PCDHA13: variants seen among roughly 807,000 people sequenced by gnomAD.
PCDHA13 encodes the protein protocadherin alpha 13.
PCDHA13 carries 54 observed loss-of-function variants against 64.8 expected under a neutral mutation model. That is an observed-to-expected ratio of 0.83 (90% CI 0.67 to 1.04). PCDHA13 has a LOEUF of 1.04. PCDHA13 is among the 50% of genes least tolerant of loss of function. The pLI is 0.00. For missense variants in PCDHA13, 1,248 were observed against 1,254.3 expected, an observed-to-expected ratio of 0.99 and a Z score of 0.08; for synonymous variants, 587 against 564.4, an observed-to-expected ratio of 1.04 and a Z score of -0.57.
At chr5:140,971,918 G>A (rs1297848346) in intron 1 of PCDHA13, among the ~76,000 whole-genome samples, 1 of 152,082 alleles carries the variant, frequency 6.6e-6, no homozygotes, top group Non-Finnish European at 1.5e-5. Context: ...CAGCCACACT[G>A]CTAGTGTTAT....
At chr5:141,009,345 G>C (rs1409011729) in intron 3 of PCDHA13, among the ~76,000 whole-genome samples, 1 of 152,164 alleles carries the variant, frequency 6.6e-6, no homozygotes, top group African/African-American at 2.4e-5. Context: ...TGTAGTTCCA[G>C]CTACTTGGGA....
chr5:140,957,327 A>G (rs1554222920), intron 1 of PCDHA13, among the ~76,000 whole-genome samples: 1 of 152,182 alleles, frequency 6.6e-6, no homozygotes, highest in East Asian at 1.9e-4. Context: ...AGCACAGTAC[A>G]GTAAGATATT....
At chr5:140,960,299 A>G (rs246005) in intron 1 of PCDHA13, among the ~76,000 whole-genome samples, 1 of 151,808 alleles carries the variant, frequency 6.6e-6, no homozygotes. Flanking sequence ...TTTCTTCATC[A>G]ATACCAACCT....
At chr5:140,923,306 C>A (rs572766829) in intron 1 of PCDHA13, among the ~76,000 whole-genome samples, 1 of 152,216 alleles carries the variant, frequency 6.6e-6, no homozygotes, top group South Asian at 2.1e-4. Context: ...GGCGTGGGGG[C>A]GCTTGGCCTA....
intron 1 of PCDHA13, among the ~76,000 whole-genome samples, chr5:140,919,232 T>G (rs1178591658): frequency 3.9e-5 from 6 of 152,246 alleles, no homozygotes; most frequent in African/African-American, 1.4e-4. Flanking sequence ...CTAGTAACAC[T>G]TTTTGTCTTG....
intron 1 of PCDHA13, among the ~76,000 whole-genome samples, chr5:140,891,720 T>C (rs1159192046): frequency 2.0e-5 from 3 of 152,170 alleles, no homozygotes; most frequent in African/African-American, 4.8e-5. Context: ...CCCAAATTCA[T>C]GTGTTGAAAA....
chr5:141,007,478 G>A (rs1041976706), intron 3 of PCDHA13, among the ~76,000 whole-genome samples: 5 of 151,620 alleles, frequency 3.3e-5, no homozygotes, highest in Admixed American at 6.6e-5. Context: ...TGAGGCACGA[G>A]AATTACTTGG....
rs370640529 is a variant in PCDHA13, at chr5:140,968,552, C to G, written c.2395-10397C>G. 5 of 1,614,184 alleles carry G rather than the reference C, an allele frequency of 3.1e-6. No homozygotes were observed. The East Asian group carries it at 1.1e-4, about 36-fold the overall frequency. ...GTCAGCAGCCTTCGAGATGGTGCCT[C>G]GAACTGCCCCTGCTGGCTACCTGGT... On this transcript the variant is annotated intron_variant, in intron 1 of 3. Coordinates refer to ENST00000289272, the MANE Select transcript of PCDHA13 (RefSeq NM_018904.3).
At position 140,928,315 on chromosome 5, in the gene PCDHA13, G is replaced by A. The variant is rs535660713; in HGVS notation, c.2394+43653G>A. On this transcript the variant is annotated intron_variant, in intron 1 of 3. Coordinates refer to ENST00000289272, the MANE Select transcript of PCDHA13 (RefSeq NM_018904.3). ...AGTGTTTGCCCAGGACCCCGACCTG[G>A]GGAAGAATGGCCTTGTCTCTTATGA... The A allele has an allele frequency of 1.3e-4, 210 of 1,614,054 alleles. No homozygotes were observed. Among genetic ancestry groups the A allele is most frequent in the Non-Finnish European group, 1.7e-4 (203 of 1,180,048 alleles).
chr5:140,976,685 T>TTGC (rs1279936534), intron 1 of PCDHA13, among the ~76,000 whole-genome samples: 2 of 152,238 alleles, frequency 1.3e-5, no homozygotes, highest in East Asian at 3.8e-4. Flanking sequence ...TTTTGCAATT[T>TTGC]AAGTACAATA....
Position 140,884,471 on chromosome 5 carries a change from G to T in PCDHA13, c.2203G>T (p.Gly735Cys), listed in dbSNP as rs2060197778. 1.2e-6 allele frequency: 2 copies of T among 1,613,684 alleles called. No individual in the cohort carries two copies. The highest frequency in any genetic ancestry group is 3.3e-5 in the Admixed American group (2 of 59,994). The part of the protein sequence containing the change: ...APPTEGACAP[G>C]KPTLVCSSAA... ...GCCCACCGAGGGCGCGTGCGCGCCG[G>T]GCAAGCCCACTCTAGTGTGCTCCAG... The change falls in exon 1 of 4, where the codon GGC becomes TGC. Residue 735 changes from glycine to cysteine, a missense_variant. Physicochemically the swap from Gly to Cys is radical, Grantham distance 159. Transcript: ENST00000289272.
intron 1 of PCDHA13, among the ~76,000 whole-genome samples, chr5:140,915,296 A>G (rs556254508): frequency 6.6e-6 from 1 of 152,086 alleles, no homozygotes; most frequent in East Asian, 1.9e-4. Flanking sequence ...TCTACTTAAG[A>G]TAAGTTTACA....
chr5:140,887,335 A>G (rs1360547523), intron 1 of PCDHA13, among the ~76,000 whole-genome samples: 1 of 152,102 alleles, frequency 6.6e-6, no homozygotes, highest in African/African-American at 2.4e-5. Flanking sequence ...TGACCTCGTG[A>G]TCCACCTGGC....
Position 140,982,348 on chromosome 5 carries a change from T to C in PCDHA13, c.2454-127T>C, listed in dbSNP as rs1253085859. 9 of 1,495,962 alleles carry C rather than the reference T, an allele frequency of 6.0e-6. No homozygotes were observed. The Admixed American group carries it at 1.7e-4, about 28-fold the overall frequency. 92.7% of individuals were successfully genotyped at this position (1,495,962 alleles called of 1,614,324 possible). On this transcript the variant is annotated intron_variant, in intron 2 of 3. Transcript: ENST00000289272. Reference sequence around the variant, plus strand: ...ACTGCTCAGCAGTAATTGCTTCAGTTCAAGCATGAGCAGAATGTGTTAGCT... The same window carrying C: ...ACTGCTCAGCAGTAATTGCTTCAGTCCAAGCATGAGCAGAATGTGTTAGCT...
Position 140,978,996 on chromosome 5 carries a change from A to T in PCDHA13, c.2442A>T (p.Ala814=), listed in dbSNP as rs2096831053. The change falls in exon 2 of 4, where the codon GCA becomes GCT. Residue 814 remains alanine, a synonymous_variant. Coordinates refer to ENST00000289272, the MANE Select transcript of PCDHA13 (RefSeq NM_018904.3). ...GGCGTTACTCTGCCTCCCTGAGAGC[A>T]GGCATGCACAGGTATGTATTTCCCT... ...PDWRYSASLR[A]GMHSSVHLEE... 1 of 1,614,186 alleles carries T rather than the reference A, an allele frequency of 6.2e-7. No individual in the cohort carries two copies.
intron 1 of PCDHA13, among the ~76,000 whole-genome samples, chr5:140,887,165 C>T (rs1451761224): frequency 1.3e-5 from 2 of 151,306 alleles, no homozygotes; most frequent in Non-Finnish European, 2.9e-5. Flanking sequence ...GGCGTGATCT[C>T]GGCTCACTGC....
chr5:140,989,685 A>G (rs1393246206), intron 3 of PCDHA13, among the ~76,000 whole-genome samples: 2 of 152,186 alleles, frequency 1.3e-5, no homozygotes, highest in Non-Finnish European at 2.9e-5. Context: ...TTTCAAAGGA[A>G]CGTGAAAATT....
intron 1 of PCDHA13, among the ~76,000 whole-genome samples, chr5:140,971,546 A>G (rs1236125448): frequency 6.6e-6 from 1 of 152,146 alleles, no homozygotes; most frequent in African/African-American, 2.4e-5. Context: ...TGCCAGATCA[A>G]CCTGTTAAAT....
chr5:140,927,416 C>T (rs782053183), intron 1 of PCDHA13: 6 of 1,613,980 alleles, frequency 3.7e-6, no homozygotes, highest in Admixed American at 3.3e-5. Context: ...GACATGGGAT[C>T]GCGGGTTGAC....
Sources: allele counts gnomAD v4.1 joint callset (sites outside exome capture counted in the v4.1 genomes callset), GRCh38; gene constraint gnomAD v4.1.1; transcripts MANE v1.5; gene names NCBI Gene and HGNC (gene_info 2026-07-23, HGNC 2026-07-21).